PARD3B: variants seen among roughly 807,000 people sequenced by gnomAD.
The protein encoded by PARD3B is par-3 family cell polarity regulator beta.
PARD3B carries 103 observed loss-of-function variants against 130.2 expected under a neutral mutation model. The observed-to-expected ratio is 0.79, with a 90% CI of 0.67 to 0.93. The LOEUF (loss-of-function observed/expected upper bound fraction) is 0.93. Ranked by LOEUF, PARD3B falls within the 40% of genes least tolerant of loss-of-function variation. The pLI, the probability that PARD3B is intolerant of heterozygous loss-of-function variation, is 0.00. For synonymous variants in PARD3B, 583 were observed against 553.2 expected (o/e 1.05, Z -0.76); for missense variants, 1,609 against 1,499.2 (o/e 1.07, Z -1.21).
intron 1 of PARD3B, among the ~76,000 whole-genome samples, chr2:204,639,764 A>G (rs1487099285): frequency 2.6e-5 from 4 of 152,204 alleles, no homozygotes; most frequent in East Asian, 1.9e-4. Flanking sequence ...GGACAACTAT[A>G]TAATTAATTC....
intron 20 of PARD3B, among the ~76,000 whole-genome samples, chr2:205,467,167 C>T (rs780383105): frequency 1.2e-4 from 18 of 152,192 alleles, no homozygotes; most frequent in African/African-American, 4.1e-4. Context: ...ATTACGTGAC[C>T]TTTTTTTGAC....
intron 1 of PARD3B, among the ~76,000 whole-genome samples, chr2:204,671,519 C>G (rs1488429620): frequency 6.6e-6 from 1 of 152,122 alleles, no homozygotes; most frequent in African/African-American, 2.4e-5. Context: ...TCTTCATTGG[C>G]AGGAACTTGG....
Position 205,366,506 on chromosome 2 carries a change from G to A in PARD3B, c.2631-34507G>A, listed in dbSNP as rs1247341788. 6.6e-6 allele frequency among the ~76,000 whole-genome samples: 1 copy of A among 152,168 alleles called. No homozygotes were observed. The highest frequency in any genetic ancestry group is 1.5e-5 in the Non-Finnish European group (1 of 68,034). On this transcript the variant is annotated intron_variant, in intron 18 of 22. Transcript: ENST00000406610. This position sits in a 1 kb window ranked among gnomAD's most constrained non-coding sequence, Gnocchi z 5.0. ...TTCTGTAATTCACTGCATTTTACAT[G>A]TGGGGACCCAGAGGAATAGAAATGT...
At chr2:204,802,907 G>A (rs918435902) in intron 2 of PARD3B, among the ~76,000 whole-genome samples, 1 of 151,900 alleles carries the variant, frequency 6.6e-6, no homozygotes, top group Non-Finnish European at 1.5e-5. Flanking sequence ...GTTGATGGGT[G>A]CAGCAAACCA....
chr2:205,479,945 C>T (rs2049168106), intron 20 of PARD3B, among the ~76,000 whole-genome samples: 1 of 149,084 alleles, frequency 6.7e-6, no homozygotes, highest in South Asian at 2.1e-4. Flanking sequence ...CTCTGTCACC[C>T]AGCCTGGAGT....
intron 2 of PARD3B, among the ~76,000 whole-genome samples, chr2:204,810,190 AC>A (rs372458554): frequency 7.8e-4 from 119 of 152,246 alleles, no homozygotes; most frequent in African/African-American, 2.8e-3. Flanking sequence ...TCTTCTGCAA[AC>A]AGAGATAGTT....
chr2:204,914,547 C>T (rs2047370329), intron 2 of PARD3B, among the ~76,000 whole-genome samples: 1 of 152,260 alleles, frequency 6.6e-6, no homozygotes, highest in Admixed American at 6.5e-5. Flanking sequence ...GAAATGAAAG[C>T]AATCTCCAAT....
At chr2:205,347,310 T>C (rs1377291669) in intron 18 of PARD3B, among the ~76,000 whole-genome samples, 2 of 152,102 alleles carry the variant, frequency 1.3e-5, no homozygotes, top group Non-Finnish European at 2.9e-5. Context: ...TTGTCTTCTT[T>C]AAAAAATAAA....
At chr2:204,984,464 C>T (rs1006728096) in intron 3 of PARD3B, among the ~76,000 whole-genome samples, 3 of 152,000 alleles carry the variant, frequency 2.0e-5, no homozygotes, top group African/African-American at 7.3e-5. Context: ...CAGATTTAGG[C>T]CAGTGATAGC....
At chr2:205,237,657 T>C (rs1265161870) in intron 15 of PARD3B, among the ~76,000 whole-genome samples, 2 of 152,144 alleles carry the variant, frequency 1.3e-5, no homozygotes, top group South Asian at 2.1e-4. Context: ...ATTTCAAGTA[T>C]ACTACGTGAA....
intron 21 of PARD3B, among the ~76,000 whole-genome samples, chr2:205,500,775 C>T (rs981885693): frequency 2.0e-5 from 3 of 152,170 alleles, no homozygotes; most frequent in African/African-American, 4.8e-5. Context: ...AGAGCTGGTG[C>T]TCAGTAATTG....
At chr2:205,424,317 C>T (rs2047071430) in intron 19 of PARD3B, among the ~76,000 whole-genome samples, 1 of 152,068 alleles carries the variant, frequency 6.6e-6, no homozygotes, top group African/African-American at 2.4e-5. Context: ...AGTCATGGTT[C>T]TATACTTAAG....
chr2:204,750,839 A>G (rs959720196), intron 2 of PARD3B, among the ~76,000 whole-genome samples: 1 of 152,178 alleles, frequency 6.6e-6, no homozygotes, highest in African/African-American at 2.4e-5. Flanking sequence ...TTTATATAAT[A>G]TCTTCATCAG....
In PARD3B at chr2:205,558,293, A is replaced by C. The variant is rs149292713; in HGVS notation, c.3260+4890A>C. 1.3e-5 allele frequency among the ~76,000 whole-genome samples: 2 copies of C among 152,200 alleles called. No homozygotes were observed. The highest frequency in any genetic ancestry group is 4.8e-5 in the African/African-American group (2 of 41,532). On this transcript the variant is annotated intron_variant, in intron 22 of 22. Coordinates refer to ENST00000406610, the MANE Select transcript of PARD3B (RefSeq NM_001302769.2). The surrounding 1 kb of genome is among the most constrained non-coding windows in gnomAD (Gnocchi z 4.8). ...GAGTTAACCAGGAAGGTGGAGCATG[A>C]TGCTCTAGCTCCCAGGGCAGACATG...
rs557113979 is a variant in PARD3B, at chr2:205,247,754, G to A, written c.2185+1932G>A. ...GAGCAAAAGTGGCCTGCAATGAAGA[G>A]GGCTAAACAATCACCAAAAACCATA... On this transcript the variant is annotated intron_variant, in intron 16 of 22. Coordinates refer to ENST00000406610, the MANE Select transcript of PARD3B (RefSeq NM_001302769.2). 6.6e-5 allele frequency among the ~76,000 whole-genome samples: 10 copies of A among 152,304 alleles called. No individual in the cohort carries two copies. The South Asian group carries it at 2.1e-3, about 32-fold the overall frequency.
intron 18 of PARD3B, among the ~76,000 whole-genome samples, chr2:205,381,602 G>T (rs1234329387): frequency 6.6e-6 from 1 of 151,858 alleles, no homozygotes; most frequent in South Asian, 2.1e-4. Context: ...TCCAGCTAGC[G>T]TTAATGCCAG....
intron 2 of PARD3B, among the ~76,000 whole-genome samples, chr2:204,823,779 A>C (rs893597571): frequency 6.6e-6 from 1 of 152,040 alleles, no homozygotes; most frequent in Non-Finnish European, 1.5e-5. Context: ...TTCTCTACTA[A>C]TAATACAAAA....
chr2:204,855,795 T>G (rs1232207570), intron 2 of PARD3B, among the ~76,000 whole-genome samples: 1 of 152,036 alleles, frequency 6.6e-6, no homozygotes, highest in Non-Finnish European at 1.5e-5. Flanking sequence ...GTGAGTGAGA[T>G]CATGTGGTAT....
chr2:205,334,432 G>A (rs2043239050), intron 18 of PARD3B, among the ~76,000 whole-genome samples: 1 of 152,192 alleles, frequency 6.6e-6, no homozygotes, highest in African/African-American at 2.4e-5. Flanking sequence ...ATTCAAGGGT[G>A]ACAGAACTGA....
Sources: allele counts gnomAD v4.1 joint callset (sites outside exome capture counted in the v4.1 genomes callset), GRCh38; gene constraint gnomAD v4.1.1; non-coding constraint Gnocchi (gnomAD v3.1); transcripts MANE v1.5; gene names NCBI Gene and HGNC (gene_info 2026-07-23, HGNC 2026-07-21).